GRAMD2B: variants seen among roughly 807,000 people sequenced by gnomAD.
GRAMD2B encodes GRAM domain-containing protein 2B.
Under a neutral mutation model 59.2 loss-of-function variants are expected in GRAMD2B, and 41 were observed. That is an observed-to-expected ratio of 0.69 (90% CI 0.54 to 0.90). The LOEUF is 0.90. Ranked by LOEUF, GRAMD2B falls within the 40% of genes least tolerant of loss-of-function variation. GRAMD2B has a pLI of 0.00. For synonymous variants in GRAMD2B, 161 were observed against 182.7 expected, an observed-to-expected ratio of 0.88 and a Z score of 0.96; for missense variants, 424 against 500.5, an observed-to-expected ratio of 0.85 and a Z score of 1.46.
At chr5:126,371,627 A>G (rs1196199152) in intron 1 of GRAMD2B, 1 of 1,236,224 alleles carries the variant, frequency 8.1e-7, no homozygotes, top group Non-Finnish European at 1.0e-6. Flanking sequence ...CAGCTACCCA[A>G]CTGGTGACCC....
At chr5:126,428,158 G>A (rs1760935839) in intron 1 of GRAMD2B, among the ~76,000 whole-genome samples, 6 of 152,192 alleles carry the variant, frequency 3.9e-5, no homozygotes, top group Middle Eastern at 3.4e-3. Context: ...GGGAGGCAGA[G>A]GTTGCAGTGA....
At chr5:126,457,793 G>A (rs1766595237) in intron 1 of GRAMD2B, among the ~76,000 whole-genome samples, 1 of 152,024 alleles carries the variant, frequency 6.6e-6, no homozygotes, top group Admixed American at 6.5e-5. Flanking sequence ...ACTAGGGTGA[G>A]GGAAGGAGAA....
intron 1 of GRAMD2B, among the ~76,000 whole-genome samples, chr5:126,399,529 T>TCTTCCTTCCCCTTCGC (rs1447363592): frequency 1.3e-5 from 2 of 152,116 alleles, no homozygotes; most frequent in Non-Finnish European, 2.9e-5. Flanking sequence ...GTAAGACATG[T>TCTTCCTTCCCCTTCGC]CTTCCTTCCC....
intron 1 of GRAMD2B, among the ~76,000 whole-genome samples, chr5:126,361,489 T>TAAAAAAAA (rs11300255): frequency 1.3e-4 from 18 of 140,736 alleles, no homozygotes; most frequent in Admixed American, 2.8e-4. Context: ...TCCGAAATGG[T>TAAAAAAAA]AAAAAAAAAA....
chr5:126,377,161 C>T (rs1215806639), intron 1 of GRAMD2B, among the ~76,000 whole-genome samples: 1 of 148,610 alleles, frequency 6.7e-6, no homozygotes, highest in African/African-American at 2.5e-5. Context: ...TGGAAGTCCT[C>T]TTTGATGGCC....
Position 126,383,875 on chromosome 5 carries a change from T to C in GRAMD2B, c.125+12308T>C, listed in dbSNP as rs74401519. On this transcript the variant is annotated intron_variant, in intron 1 of 8. Coordinates refer to the GRAMD2B transcript ENST00000506445. ...ATAAAGATTTCAGAAGTAGACACAA[T>C]ACTCTTTGAAAGAGAAGGTCAGAGA... Among the ~76,000 whole-genome samples the C allele has an allele frequency of 2.3e-3, 345 of 152,272 alleles. 2 individuals carry two copies. Among genetic ancestry groups the C allele is most frequent in the African/African-American group, 7.6e-3 (317 of 41,536 alleles).
At chr5:126,486,159 T>C (rs1248123100) in intron 11 of GRAMD2B, among the ~76,000 whole-genome samples, 1 of 152,220 alleles carries the variant, frequency 6.6e-6, no homozygotes, top group African/African-American at 2.4e-5. Context: ...TCCGGGTAAT[T>C]AGCATATCCA....
intron 13 of GRAMD2B, among the ~76,000 whole-genome samples, chr5:126,490,006 A>G (rs1363746793): frequency 2.0e-5 from 3 of 152,218 alleles, no homozygotes; most frequent in Non-Finnish European, 2.9e-5. Flanking sequence ...TAAAGTATTA[A>G]GAGCAAAGGA....
upstream of GRAMD2B, among the ~76,000 whole-genome samples, chr5:126,419,595 G>A (rs933520333): frequency 6.6e-6 from 1 of 152,182 alleles, no homozygotes; most frequent in Non-Finnish European, 1.5e-5. Flanking sequence ...GCCCCCAAGA[G>A]TATGAACAGA....
chr5:126,377,079 C>A (rs1453088571), intron 1 of GRAMD2B, among the ~76,000 whole-genome samples: 1 of 149,882 alleles, frequency 6.7e-6, no homozygotes. Flanking sequence ...CCAGACTTCA[C>A]CAGATACTTC....
At chr5:126,417,995 T>C (rs1348413943) in intron 1 of GRAMD2B, among the ~76,000 whole-genome samples, 1 of 152,224 alleles carries the variant, frequency 6.6e-6, no homozygotes, top group Middle Eastern at 3.2e-3. Context: ...GTGTTCAGTG[T>C]GTGGCAGGCC....
At chr5:126,492,777 G>T (rs1774180635) in intron 13 of GRAMD2B, 138 bp from the exon 14 acceptor site, 1 of 567,484 alleles carries the variant, frequency 1.8e-6, no homozygotes, top group African/African-American at 1.9e-5. Flanking sequence ...GCATCTATTT[G>T]CCTCACCTAA....
intron 1 of GRAMD2B, among the ~76,000 whole-genome samples, chr5:126,454,455 G>T (rs1385498510): frequency 6.6e-6 from 1 of 152,184 alleles, no homozygotes; most frequent in African/African-American, 2.4e-5. Flanking sequence ...GAGCTGTTTG[G>T]TTGCTTTTTT....
chr5:126,389,216 G>T (rs1225857278), intron 1 of GRAMD2B, among the ~76,000 whole-genome samples: 1 of 152,180 alleles, frequency 6.6e-6, no homozygotes, highest in African/African-American at 2.4e-5. Context: ...TAGGGTTATT[G>T]TAAGGATTAA....
At chr5:126,414,639 T>C (rs535636499) in intron 1 of GRAMD2B, among the ~76,000 whole-genome samples, 20 of 152,282 alleles carry the variant, frequency 1.3e-4, no homozygotes, top group African/African-American at 4.6e-4. Context: ...ATTGTTTTAA[T>C]TTCTTTTTTT....
intron 1 of GRAMD2B, among the ~76,000 whole-genome samples, chr5:126,378,965 G>C (rs1325191753): frequency 6.6e-6 from 1 of 152,018 alleles, no homozygotes; most frequent in Non-Finnish European, 1.5e-5. Context: ...ACAATGATAA[G>C]TTCCTTAGTG....
chr5:126,467,968 CATG>C (rs1768776323), intron 2 of GRAMD2B, among the ~76,000 whole-genome samples: 1 of 152,202 alleles, frequency 6.6e-6, no homozygotes, highest in Non-Finnish European at 1.5e-5. Flanking sequence ...CTGTGACACC[CATG>C]TACCACCTGA....
At chr5:126,416,857 G>A (rs1759307027) in intron 1 of GRAMD2B, among the ~76,000 whole-genome samples, 1 of 152,050 alleles carries the variant, frequency 6.6e-6, no homozygotes, top group South Asian at 2.1e-4. Flanking sequence ...CCTAAAATAG[G>A]CCTCCCTCAA....
chr5:126,443,858 T>C (rs1289656047), intron 1 of GRAMD2B, among the ~76,000 whole-genome samples: 2 of 152,170 alleles, frequency 1.3e-5, no homozygotes, highest in African/African-American at 4.8e-5. Flanking sequence ...GAGACCAGCC[T>C]GGCCAACATA....
Sources: allele counts gnomAD v4.1 joint callset (sites outside exome capture counted in the v4.1 genomes callset), GRCh38; gene constraint gnomAD v4.1.1; transcripts MANE v1.5; gene names NCBI Gene and HGNC (gene_info 2026-07-23, HGNC 2026-07-21).